Variants in VPS13A observed in about 807,000 individuals in gnomAD.
VPS13A encodes intermembrane lipid transfer protein VPS13A.
In VPS13A, 264 loss-of-function variants were observed where a neutral mutation model predicts 390.9. The observed-to-expected ratio is 0.68, with a 90% CI of 0.61 to 0.75. VPS13A has a LOEUF of 0.75. Ranked by LOEUF, VPS13A falls within the 30% of genes least tolerant of loss-of-function variation. The pLI is 0.00. For missense variants in VPS13A, 3,409 were observed against 3,733.9 expected (o/e 0.91, Z 2.27); for synonymous variants, 1,231 against 1,227.1 (o/e 1.00, Z -0.07).
At chr9:77,282,632 CA>C (rs1827106953) in intron 29 of VPS13A, among the ~76,000 whole-genome samples, 1 of 151,880 alleles carries the variant, frequency 6.6e-6, no homozygotes, top group Admixed American at 6.6e-5. Context: ...ATATGACTAA[CA>C]AAATTTGAGT....
At chr9:77,234,550 G>A (rs1824024663) in intron 17 of VPS13A, among the ~76,000 whole-genome samples, 1 of 152,032 alleles carries the variant, frequency 6.6e-6, no homozygotes, top group Non-Finnish European at 1.5e-5. Flanking sequence ...GGGTTTATTG[G>A]GAAATAATTA....
chr9:77,209,523 T>G lies in VPS13A; in HGVS notation c.486T>G (p.Tyr162Ter). Residue 162 changes from tyrosine to a stop codon, truncating the protein, a stop_gained, in exon 6 of 72, where the codon TAT (tyrosine) becomes TAG (stop). Transcript: ENST00000360280. LOFTEE classifies it high-confidence loss of function. ...AAATTTCCAGTATCCATATTCGTTA[T>G]GAAGATGATGTAAGTATTTTAATAT... is the stretch of plus-strand genomic sequence containing the variant. ...QVKISSIHIR[Y>*]EDDITNRDKP... The G allele has an allele frequency of 6.4e-7, 1 of 1,567,614 alleles. No homozygotes were observed. The highest frequency in any genetic ancestry group is 8.8e-7 in the Non-Finnish European group (1 of 1,139,694).
intron 61 of VPS13A, 141 bp downstream of exon 61, chr9:77,367,013 A>G (rs1832467174): frequency 2.7e-6 from 2 of 728,056 alleles, no homozygotes; most frequent in South Asian, 3.9e-5. Context: ...GTGAAGTGCA[A>G]TCTGAATAAC....
At chr9:77,411,117 A>C (rs1236843564) in intron 71 of VPS13A, among the ~76,000 whole-genome samples, 1 of 152,200 alleles carries the variant, frequency 6.6e-6, no homozygotes, top group Non-Finnish European at 1.5e-5. Context: ...TCAAACTAGA[A>C]CTCAGGATTA....
chr9:77,271,879 T>A (rs1280344120), intron 23 of VPS13A, among the ~76,000 whole-genome samples: 1 of 152,120 alleles, frequency 6.6e-6, no homozygotes, highest in Non-Finnish European at 1.5e-5. Flanking sequence ...AACATAGTTG[T>A]TACTTTTGGG....
At chr9:77,216,587 A>G in intron 10 of VPS13A, among the ~76,000 whole-genome samples, 1 of 152,182 alleles carries the variant, frequency 6.6e-6, no homozygotes, top group Non-Finnish European at 1.5e-5. Context: ...ATGAGTAGAT[A>G]TGGTGATAAG....
At chr9:77,369,561 G>A in intron 63 of VPS13A, 149 bp downstream of exon 63, 1 of 681,548 alleles carries the variant, frequency 1.5e-6, no homozygotes, top group Non-Finnish European at 2.6e-6. Flanking sequence ...AATGGTAAGA[G>A]GTTTTGGGGG....
At position 77,413,697 on chromosome 9, in the gene VPS13A, T is replaced by C. The variant is rs1003927524; in HGVS notation, c.9475-2259T>C. Among the ~76,000 whole-genome samples the C allele has an allele frequency of 6.6e-5, 10 of 152,304 alleles. 1 individual carries two copies. The highest frequency in any genetic ancestry group is 5.2e-4 in the Admixed American group (8 of 15,300). On this transcript the variant is annotated intron_variant, in intron 71 of 71. Transcript: ENST00000360280. Reference sequence around the variant, plus strand: ...TAGGCATGGGCAAGGACTTCATGTCTAAAACACCAAAAGCAATGGCAACAA... The same window carrying C: ...TAGGCATGGGCAAGGACTTCATGTCCAAAACACCAAAAGCAATGGCAACAA...
At chr9:77,228,832 G>A (rs1466054666) in intron 17 of VPS13A, among the ~76,000 whole-genome samples, 1 of 152,058 alleles carries the variant, frequency 6.6e-6, no homozygotes, top group Non-Finnish European at 1.5e-5. Flanking sequence ...CCTCTTCCCT[G>A]GTGGCAGCAA....
intron 46 of VPS13A, among the ~76,000 whole-genome samples, 157 bp downstream of exon 46, chr9:77,332,270 T>G (rs1472958623): frequency 6.6e-6 from 1 of 152,068 alleles, no homozygotes; most frequent in East Asian, 1.9e-4. Flanking sequence ...GAAGTATTAT[T>G]TAATTTATTG....
chr9:77,415,621 T>C (rs1835140990), intron 71 of VPS13A, among the ~76,000 whole-genome samples: 1 of 152,220 alleles, frequency 6.6e-6, no homozygotes. Flanking sequence ...AGTAGAATCC[T>C]GTATCTGGAT....
intron 1 of VPS13A, among the ~76,000 whole-genome samples, chr9:77,189,709 C>T (rs915075445): frequency 6.6e-6 from 1 of 152,106 alleles, no homozygotes; most frequent in Admixed American, 6.5e-5. Flanking sequence ...GACATTTTAA[C>T]AATTTTGATT....
intron 1 of VPS13A, among the ~76,000 whole-genome samples, chr9:77,198,778 C>G (rs1396847206): frequency 6.6e-6 from 1 of 152,082 alleles, no homozygotes; most frequent in Non-Finnish European, 1.5e-5. Flanking sequence ...ATTCTCCTGC[C>G]TTAGTCTCCC....
chr9:77,405,044 G>C (rs1255080981), intron 69 of VPS13A, among the ~76,000 whole-genome samples: 3 of 151,784 alleles, frequency 2.0e-5, no homozygotes, highest in African/African-American at 7.3e-5. Context: ...TACAATTGAT[G>C]TTTCAATCAG....
chr9:77,273,018 C>A (rs1239809853), intron 23 of VPS13A, among the ~76,000 whole-genome samples: 1 of 152,136 alleles, frequency 6.6e-6, no homozygotes, highest in Non-Finnish European at 1.5e-5. Flanking sequence ...AATATAAGAT[C>A]TGTTTCTACT....
intron 33 of VPS13A, among the ~76,000 whole-genome samples, chr9:77,296,366 CTG>C (rs1828001593): frequency 6.6e-6 from 1 of 152,166 alleles, no homozygotes; most frequent in African/African-American, 2.4e-5. Context: ...ACTGTGTCCT[CTG>C]TGTTTCTGTG....
At chr9:77,213,368 T>A in intron 9 of VPS13A, 54 bp downstream of exon 9, 1 of 1,398,366 alleles carries the variant, frequency 7.2e-7, no homozygotes, top group Non-Finnish European at 1.0e-6. Context: ...GCATGAGGTT[T>A]AATTCATTGT....
rs1001325505 is a variant in VPS13A at position 77,351,369 on chromosome 9, A to G, written c.7342A>G (p.Thr2448Ala). 1 of 1,614,084 alleles carries G rather than the reference A, an allele frequency of 6.2e-7. No homozygotes were observed. Among genetic ancestry groups the G allele is most frequent in the Non-Finnish European group, 8.5e-7 (1 of 1,179,950 alleles). Reference protein sequence around the residue: ...SLPPGKAVFYTWADPVGSRRL... With the variant: ...SLPPGKAVFYAWADPVGSRRL... ...CCCTCCTGGTAAAGCCGTGTTTTAT[A>G]CATGGGCTGATCCGGTGGGCTCTAG... The change falls in exon 53 of 72, where the codon ACA becomes GCA. Residue 2448 changes from threonine (T) to alanine (A), a missense_variant. This residue lies in a region of VPS13A where 2,717 missense variants were observed against 2,917.4 expected (regional missense o/e 0.93). Coordinates refer to ENST00000360280, the MANE Select transcript of VPS13A (RefSeq NM_033305.3).
chr9:77,319,482 G>T, intron 41 of VPS13A, 90 bp from the exon 42 acceptor site: 1 of 861,682 alleles, frequency 1.2e-6, no homozygotes, highest in Non-Finnish European at 1.9e-6. Flanking sequence ...CATGTAGACT[G>T]GTTTTTATAT....
Sources: allele counts gnomAD v4.1 joint callset (sites outside exome capture counted in the v4.1 genomes callset), GRCh38; gene constraint gnomAD v4.1.1; regional missense constraint gnomAD v4.1.1; transcripts MANE v1.5; gene names NCBI Gene and HGNC (gene_info 2026-07-23, HGNC 2026-07-21).